GRIN3A: variants seen among roughly 807,000 people sequenced by gnomAD.
GRIN3A encodes glutamate receptor ionotropic, NMDA 3A.
GRIN3A carries 47 observed loss-of-function variants against 92.4 expected under a neutral mutation model. That is an observed-to-expected ratio of 0.51 (90% CI 0.40 to 0.65). The LOEUF (loss-of-function observed/expected upper bound fraction) is 0.65. Among genes scored for constraint, GRIN3A ranks in the 30% least tolerant of loss-of-function variants. The probability of loss-of-function intolerance (pLI) is 0.00; values close to 1 mark genes in which losing one functional copy is unlikely to be tolerated. For synonymous variants in GRIN3A, 527 were observed against 540.6 expected (o/e 0.97, Z 0.35); for missense variants, 1,324 against 1,393.1 (o/e 0.95, Z 0.79).
Position 101,597,786 on chromosome 9 carries a change from A to G in GRIN3A, c.2766+15590T>C, listed in dbSNP as rs370631526. ...CATAAAGTTGTTTATAAAGTTGTAA[A>G]AAGTTTACTTCATAAAGTTGTAAAA... On this transcript the variant is annotated intron_variant, in intron 6 of 8. Coordinates refer to ENST00000361820, the MANE Select transcript of GRIN3A (RefSeq NM_133445.3). Among the ~76,000 whole-genome samples the G allele has an allele frequency of 5.4e-4, 82 of 152,338 alleles. No homozygotes were observed. The South Asian group carries it at 0.015, about 28-fold the overall frequency.
intron 5 of GRIN3A, among the ~76,000 whole-genome samples, chr9:101,620,491 T>C (rs1280500677): frequency 6.6e-6 from 1 of 152,180 alleles, no homozygotes; most frequent in African/African-American, 2.4e-5. Context: ...GTGTTACTAC[T>C]ATATGCAGTG....
intron 4 of GRIN3A, among the ~76,000 whole-genome samples, chr9:101,624,208 A>C (rs1277068704): frequency 6.6e-6 from 1 of 151,612 alleles, no homozygotes; most frequent in African/African-American, 2.4e-5. Context: ...CTTTTTTAAA[A>C]ATTTTTTTTA....
chr9:101,729,375 G>T (rs1588300744), intron 1 of GRIN3A, among the ~76,000 whole-genome samples: 1 of 152,114 alleles, frequency 6.6e-6, no homozygotes, highest in South Asian at 2.1e-4. Context: ...CATTCTTTCT[G>T]GAGCCTCTGA....
rs747674118 is a variant in GRIN3A at position 101,573,551 on chromosome 9, T to G, written c.3009-38A>C. On this transcript the variant is annotated intron_variant, in intron 8 of 8. Transcript: ENST00000361820. ...GAAATTTTAGATTTACTTTCCATTC[T>G]GCAGCTCTCAAGGTGCTGTCTTCAT... 2.0e-6 allele frequency: 3 copies of G among 1,508,692 alleles called. No homozygotes were observed. In the East Asian group the frequency reaches 6.8e-5, roughly 34 times the overall value. The allele number at this position is 1,508,692 out of a possible 1,614,324, so 93.5% of individuals were successfully genotyped here.
At chr9:101,717,082 C>T (rs1355623366) in intron 1 of GRIN3A, among the ~76,000 whole-genome samples, 1 of 152,090 alleles carries the variant, frequency 6.6e-6, no homozygotes, top group Non-Finnish European at 1.5e-5. Context: ...AGACCTCTGC[C>T]CCAGGTCATT....
chr9:101,676,487 T>C (rs898033974), intron 2 of GRIN3A, among the ~76,000 whole-genome samples: 1 of 152,004 alleles, frequency 6.6e-6, no homozygotes, highest in Admixed American at 6.6e-5. Context: ...TTTCCCATGA[T>C]CATCTCATCA....
At chr9:101,654,424 A>G (rs865873858) in intron 3 of GRIN3A, among the ~76,000 whole-genome samples, 24 of 151,814 alleles carry the variant, frequency 1.6e-4, no homozygotes, top group African/African-American at 4.8e-4. Context: ...CGTATATAAC[A>G]TATGCATATC....
chr9:101,585,204 G>A (rs942774642), intron 6 of GRIN3A, among the ~76,000 whole-genome samples: 2 of 152,166 alleles, frequency 1.3e-5, no homozygotes, highest in African/African-American at 2.4e-5. Context: ...CAGCTTGGAC[G>A]CCATTGATTA....
intron 1 of GRIN3A, among the ~76,000 whole-genome samples, chr9:101,711,596 TTC>T (rs1829879926): frequency 6.6e-6 from 1 of 152,140 alleles, no homozygotes; most frequent in Non-Finnish European, 1.5e-5. Context: ...TGTCTGTCTT[TTC>T]TGTCTCTGAT....
chr9:101,647,441 T>C (rs1200058336), intron 3 of GRIN3A, among the ~76,000 whole-genome samples: 1 of 151,906 alleles, frequency 6.6e-6, no homozygotes, highest in Non-Finnish European at 1.5e-5. Context: ...CAGTGAAATA[T>C]TGGCCTGTAA....
intron 5 of GRIN3A, among the ~76,000 whole-genome samples, chr9:101,619,661 A>T (rs572985788): frequency 6.6e-6 from 1 of 152,368 alleles, no homozygotes; most frequent in East Asian, 1.9e-4. Flanking sequence ...CTCCAGAGCC[A>T]GTGTTCCAAG....
intron 6 of GRIN3A, among the ~76,000 whole-genome samples, chr9:101,583,756 C>T (rs753178940): frequency 6.6e-6 from 1 of 152,076 alleles, no homozygotes; most frequent in South Asian, 2.1e-4. Context: ...TTTTTTCCCC[C>T]TTTATCCCAT....
At chr9:101,626,098 C>T (rs1828630882) in intron 4 of GRIN3A, among the ~76,000 whole-genome samples, 2 of 152,128 alleles carry the variant, frequency 1.3e-5, no homozygotes, top group African/African-American at 4.8e-5. Flanking sequence ...AAGTGGGATC[C>T]AGTTACAAGT....
chr9:101,685,133 T>A (rs953062435), intron 2 of GRIN3A, among the ~76,000 whole-genome samples: 12 of 152,176 alleles, frequency 7.9e-5, no homozygotes, highest in Non-Finnish European at 1.8e-4. Context: ...ATTTGAAAAA[T>A]TTTATTAACA....
chr9:101,613,269 T>A, intron 6 of GRIN3A, 107 bp downstream of exon 6: 1 of 1,167,982 alleles, frequency 8.6e-7, no homozygotes, highest in Non-Finnish European at 1.3e-6. Flanking sequence ...TGCAAGAGTC[T>A]AGTAAATGCA....
chr9:101,626,643 G>A (rs1828638063), intron 4 of GRIN3A, among the ~76,000 whole-genome samples: 1 of 152,246 alleles, frequency 6.6e-6, no homozygotes, highest in Admixed American at 6.5e-5. Flanking sequence ...TTCTGATGCA[G>A]TAAGTTTGGG....
chr9:101,673,537 C>G (rs1334283788), intron 2 of GRIN3A, among the ~76,000 whole-genome samples: 5 of 151,998 alleles, frequency 3.3e-5, no homozygotes, highest in Admixed American at 3.3e-4. Context: ...AAGGGTGAAT[C>G]AAAATAATCT....
chr9:101,685,444 A>AC (rs990843191), intron 2 of GRIN3A, among the ~76,000 whole-genome samples: 1 of 151,912 alleles, frequency 6.6e-6, no homozygotes, highest in African/African-American at 2.4e-5. Flanking sequence ...TGGCCTAAAA[A>AC]CAGGGCCTAG....
chr9:101,644,379 T>A (rs760427880), intron 3 of GRIN3A, among the ~76,000 whole-genome samples: 1 of 151,384 alleles, frequency 6.6e-6, no homozygotes, highest in Non-Finnish European at 1.5e-5. Flanking sequence ...ATGTTAGGAC[T>A]TGTTCAAGAT....
Sources: gnomAD v4.1 joint callset for allele counts (sites outside exome capture counted in the v4.1 genomes callset) on GRCh38, gnomAD v4.1.1 for gene constraint, MANE v1.5 for transcripts, NCBI Gene and HGNC (gene_info 2026-07-23, HGNC 2026-07-21) for gene names.